ST8SIA2: variants seen among roughly 807,000 people sequenced by gnomAD.
The protein encoded by ST8SIA2 is ST8 alpha-N-acetyl-neuraminide alpha-2,8-sialyltransferase 2.
In ST8SIA2, 22 loss-of-function variants were observed where a neutral mutation model predicts 37.6. The observed-to-expected ratio is 0.58, with a 90% CI of 0.42 to 0.83. The LOEUF is 0.83. ST8SIA2 is among the 40% of genes least tolerant of loss of function. ST8SIA2 has a pLI of 0.00. For synonymous variants in ST8SIA2, 205 were observed against 201.2 expected (o/e 1.02, Z -0.16); for missense variants, 382 against 484.7 (o/e 0.79, Z 1.99).
Position 92,438,381 on chromosome 15 carries a change from G to A in ST8SIA2, c.319G>A (p.Glu107Lys). 1 of 1,614,222 alleles carries A rather than the reference G, an allele frequency of 6.2e-7. No homozygotes were observed. The highest frequency in any genetic ancestry group is 1.1e-5 in the South Asian group (1 of 91,082). The part of the protein sequence containing the change: ...RKQILKFLDA[E>K]KDISVLKGTL... The stretch of plus-strand genomic sequence containing the variant: ...GCAGATTTTAAAGTTCTTGGATGCT[G>A]AAAAGGACATTTCTGTCCTAAAGGG... The change falls in exon 4 of 6, where the codon GAA becomes AAA. Residue 107 changes from glutamate (E) to lysine (K), a missense_variant. Physicochemically the swap from Glu to Lys is moderately conservative, Grantham distance 56. Transcript: ENST00000268164.
At chr15:92,407,962 A>G (rs2049520307) in intron 1 of ST8SIA2, among the ~76,000 whole-genome samples, 1 of 152,140 alleles carries the variant, frequency 6.6e-6, no homozygotes, top group African/African-American at 2.4e-5. Context: ...AAATGTTTGA[A>G]GTTTATGCAA....
chr15:92,461,441 C>A (rs1331884652), intron 5 of ST8SIA2, among the ~76,000 whole-genome samples: 1 of 152,178 alleles, frequency 6.6e-6, no homozygotes, highest in Non-Finnish European at 1.5e-5. Context: ...ACAGAGACAG[C>A]AGGAGAGATA....
chr15:92,396,565 C>A (rs2049432565), intron 1 of ST8SIA2, among the ~76,000 whole-genome samples: 1 of 151,778 alleles, frequency 6.6e-6, no homozygotes, highest in Non-Finnish European at 1.5e-5. Flanking sequence ...ACAATCTCGG[C>A]TCACTGCAAC....
intron 1 of ST8SIA2, among the ~76,000 whole-genome samples, chr15:92,420,309 C>T (rs540231095): frequency 1.8e-4 from 28 of 152,154 alleles, no homozygotes; most frequent in Non-Finnish European, 3.5e-4. Flanking sequence ...ATTGTCCCCC[C>T]GCCGGTTATA....
At chr15:92,460,813 G>A (rs1454996285) in intron 5 of ST8SIA2, among the ~76,000 whole-genome samples, 2 of 152,224 alleles carry the variant, frequency 1.3e-5, no homozygotes, top group African/African-American at 4.8e-5. Context: ...AGGACTTGGG[G>A]TCAGAAGGCC....
Position 92,452,688 on chromosome 15 carries a change from A to G in ST8SIA2, c.842+7759A>G, listed in dbSNP as rs557740281. Reference sequence around the variant, plus strand: ...GCAGCAGACAGGTAGACCAGGGATTAGTATAGTCATTTCACATCTGGACGT... The same window carrying G: ...GCAGCAGACAGGTAGACCAGGGATTGGTATAGTCATTTCACATCTGGACGT... On this transcript the variant is annotated intron_variant, in intron 5 of 5. Coordinates refer to ENST00000268164, the MANE Select transcript of ST8SIA2 (RefSeq NM_006011.4). Among the ~76,000 whole-genome samples the G allele has an allele frequency of 4.3e-4, 66 of 152,334 alleles. 2 individuals carry two copies. Among genetic ancestry groups the G allele is most frequent in the South Asian group, 3.7e-3 (18 of 4,822 alleles).
At chr15:92,403,454 G>A (rs184340556) in intron 1 of ST8SIA2, among the ~76,000 whole-genome samples, 7 of 152,250 alleles carry the variant, frequency 4.6e-5, no homozygotes, top group African/African-American at 1.4e-4. Context: ...AGATAGCTTC[G>A]CGAACACAAT....
intron 2 of ST8SIA2, among the ~76,000 whole-genome samples, chr15:92,433,088 C>T (rs2049728482): frequency 1.3e-5 from 2 of 151,892 alleles, no homozygotes; most frequent in African/African-American, 4.8e-5. Context: ...TGAGATCATG[C>T]CACTGCACCC....
intron 4 of ST8SIA2, among the ~76,000 whole-genome samples, chr15:92,441,359 G>A (rs2049800342): frequency 6.6e-6 from 1 of 152,212 alleles, no homozygotes; most frequent in South Asian, 2.1e-4. Flanking sequence ...ACAGCATGAA[G>A]AGGGGTGTGG....
chr15:92,395,432 A>G (rs944109218), intron 1 of ST8SIA2, among the ~76,000 whole-genome samples: 5 of 152,194 alleles, frequency 3.3e-5, no homozygotes, highest in East Asian at 3.9e-4. Context: ...ACTTGTGACA[A>G]GTGCCGCTTC....
chr15:92,458,218 T>A (rs2049933023), intron 5 of ST8SIA2, among the ~76,000 whole-genome samples: 1 of 152,176 alleles, frequency 6.6e-6, no homozygotes, highest in Non-Finnish European at 1.5e-5. Context: ...GATTCGGGGA[T>A]CTAGGATTCT....
intron 1 of ST8SIA2, among the ~76,000 whole-genome samples, chr15:92,411,058 G>A (rs1413062860): frequency 6.6e-6 from 1 of 152,204 alleles, no homozygotes; most frequent in Non-Finnish European, 1.5e-5. Context: ...AGGCTGTCAA[G>A]GGCTGAAGAA....
intron 2 of ST8SIA2, among the ~76,000 whole-genome samples, chr15:92,433,368 C>T (rs745603898): frequency 6.6e-6 from 1 of 152,156 alleles, no homozygotes; most frequent in Non-Finnish European, 1.5e-5. Context: ...TGTGTGCATC[C>T]AGCAGCAAGG....
At chr15:92,421,968 G>A (rs771804962) in intron 1 of ST8SIA2, among the ~76,000 whole-genome samples, 35 of 152,160 alleles carry the variant, frequency 2.3e-4, no homozygotes, top group Non-Finnish European at 4.6e-4. Context: ...TGACAAAAAC[G>A]TGGTCTCAAT....
intron 1 of ST8SIA2, among the ~76,000 whole-genome samples, chr15:92,402,216 T>A (rs901258232): frequency 6.6e-6 from 1 of 152,188 alleles, no homozygotes; most frequent in Admixed American, 6.5e-5. Context: ...GGAAGTAGCC[T>A]CACTCCTCAC....
In ST8SIA2 at chr15:92,444,149, G is replaced by A. The variant is rs1226469649; in HGVS notation, c.549-487G>A. Among the ~76,000 whole-genome samples the A allele has an allele frequency of 2.0e-5, 3 of 152,174 alleles. No homozygotes were observed. In the East Asian group the frequency reaches 5.8e-4, roughly 29 times the overall value. On this transcript the variant is annotated intron_variant, in intron 4 of 5. Transcript: ENST00000268164. ...TTTAATCCTTGGGAGGGATGCTGTT[G>A]TGATCTCTATCAAAGCTAAAGTAAT...
intron 5 of ST8SIA2, among the ~76,000 whole-genome samples, chr15:92,455,544 C>T (rs540348286): frequency 3.1e-4 from 47 of 152,312 alleles, no homozygotes; most frequent in African/African-American, 1.1e-3. Context: ...ACCTACGGAA[C>T]GTGGTTTAAG....
At chr15:92,438,671 G>A in intron 4 of ST8SIA2, 61 bp downstream of exon 4, 2 of 1,507,562 alleles carry the variant, frequency 1.3e-6, no homozygotes, top group Non-Finnish European at 1.8e-6. Context: ...TTTCAGTGGA[G>A]CATTGCCAGC....
At chr15:92,416,822 C>G (rs1401664362) in intron 1 of ST8SIA2, among the ~76,000 whole-genome samples, 3 of 152,194 alleles carry the variant, frequency 2.0e-5, no homozygotes, top group African/African-American at 7.2e-5. Flanking sequence ...CACTCCCCAG[C>G]AGGCCCCGCT....
Sources: gnomAD v4.1 joint callset for allele counts (sites outside exome capture counted in the v4.1 genomes callset) on GRCh38, gnomAD v4.1.1 for gene constraint, MANE v1.5 for transcripts, NCBI Gene and HGNC (gene_info 2026-07-23, HGNC 2026-07-21) for gene names.